Variants in RTF2 observed in about 807,000 individuals in gnomAD.
RTF2 encodes replication termination factor 2.
A neutral mutation model predicts 38.0 loss-of-function variants in RTF2; 18 were observed. The observed-to-expected ratio is 0.47, with a 90% CI of 0.33 to 0.70. The LOEUF (loss-of-function observed/expected upper bound fraction) is 0.70. Ranked by LOEUF, RTF2 falls within the 30% of genes least tolerant of loss-of-function variation. RTF2 has a pLI of 0.02. For synonymous variants in RTF2, 126 were observed against 137.1 expected, an observed-to-expected ratio of 0.92 and a Z score of 0.57; for missense variants, 311 against 379.6, an observed-to-expected ratio of 0.82 and a Z score of 1.50.
At chr20:56,470,699 A>G (rs1017749298) in intron 1 of RTF2, 1 of 455,704 alleles carries the variant, frequency 2.2e-6, no homozygotes, top group African/African-American at 2.0e-5. Context: ...CCCATCCTTC[A>G]GGGAGGAGAA....
In RTF2 at chr20:56,513,450, CGCCCA is replaced by C. The variant is rs142587609; in HGVS notation, c.591+27_591+31del. ...AAAGGTAATGGGAGTCTTCAGGTTC[CGCCCA>C]GCCCCCATCTCTGCTCCAGAGCCGA... On this transcript the variant is annotated intron_variant, in intron 6 of 8. Coordinates refer to ENST00000357348, the MANE Select transcript of RTF2 (RefSeq NM_016407.5). The C allele has an allele frequency of 1.6e-3, 2,466 of 1,561,660 alleles. 30 individuals carry two copies. The African/African-American group carries it at 0.03, about 19-fold the overall frequency.
chr20:56,480,107 G>A (rs1485570492), intron 4 of RTF2, among the ~76,000 whole-genome samples: 5 of 152,178 alleles, frequency 3.3e-5, no homozygotes, highest in African/African-American at 1.2e-4. Flanking sequence ...GTCCTGGATA[G>A]CATCTTCTTT....
chr20:56,495,137 G>A, intron 5 of RTF2: 1 of 1,113,490 alleles, frequency 9.0e-7, no homozygotes, highest in Non-Finnish European at 1.3e-6. Flanking sequence ...TAGGATTGAG[G>A]CAGCAGTTTT....
chr20:56,474,902 G>A, intron 3 of RTF2, 131 bp downstream of exon 3: 1 of 547,148 alleles, frequency 1.8e-6, no homozygotes, highest in Non-Finnish European at 3.2e-6. Context: ...TCTAATACAG[G>A]TATGATCTTG....
At position 56,472,427 on chromosome 20, in the gene RTF2, T is replaced by C. The variant is rs758456278; in HGVS notation, c.70-874T>C. 12 of 1,496,232 alleles carry C rather than the reference T, an allele frequency of 8.0e-6. No homozygotes were observed. The South Asian group carries it at 1.3e-4, about 17-fold the overall frequency. The allele number at this position is 1,496,232 out of a possible 1,614,324, so 92.7% of individuals were successfully genotyped here. Reference sequence around the variant, plus strand: ...ACATGGAATATGATGTATGTGAAAATGTCATTCGAGGGCCAGGGAGGGTCT... The same window carrying C: ...ACATGGAATATGATGTATGTGAAAACGTCATTCGAGGGCCAGGGAGGGTCT... On this transcript the variant is annotated intron_variant, in intron 1 of 8. Transcript: ENST00000357348.
intron 5 of RTF2, among the ~76,000 whole-genome samples, chr20:56,491,030 A>G (rs1983094041): frequency 6.6e-6 from 1 of 152,130 alleles, no homozygotes; most frequent in South Asian, 2.1e-4. Context: ...ACCCTTTTTA[A>G]CAAGCTGTGT....
At chr20:56,496,633 T>C (rs1427873518) in intron 5 of RTF2, 7 of 1,480,782 alleles carry the variant, frequency 4.7e-6, no homozygotes, top group African/African-American at 1.4e-5. Context: ...GGTGGGTCTT[T>C]CTTACCTTTT....
At chr20:56,517,030 C>T (rs1985086863) in intron 7 of RTF2, 41 bp downstream of exon 7, 2 of 1,607,066 alleles carry the variant, frequency 1.2e-6, no homozygotes, top group East Asian at 2.2e-5. Context: ...CAAAATGCGA[C>T]TCTAGGGCAG....
chr20:56,509,337 G>A (rs958463366), intron 5 of RTF2, among the ~76,000 whole-genome samples: 1 of 152,150 alleles, frequency 6.6e-6, no homozygotes, highest in African/African-American at 2.4e-5. Context: ...GGAAAAATGG[G>A]CTGGTTGCAG....
Position 56,477,029 on chromosome 20 carries a change from G to A in RTF2, c.303G>A (p.Gly101=). The change falls in exon 4 of 9, where the codon GGG becomes GGA. Residue 101 remains glycine (G), a synonymous_variant. Coordinates refer to ENST00000357348, the MANE Select transcript of RTF2 (RefSeq NM_016407.5). ...TTTCTGATAATCCTGCCTGGGAAGGGGATAAAGGAAACACTAAAGGTGACA... is the reference window on the plus strand; with the variant it reads ...TTTCTGATAATCCTGCCTGGGAAGGAGATAAAGGAAACACTAAAGGTGACA... ...LKLSDNPAWE[G]DKGNTKGDKH... is the part of the protein sequence containing the mutation. The A allele has an allele frequency of 1.2e-6, 2 of 1,614,100 alleles. No individual in the cohort carries two copies. The highest frequency in any genetic ancestry group is 2.2e-5 in the East Asian group (1 of 44,880).
intron 5 of RTF2, among the ~76,000 whole-genome samples, chr20:56,505,302 A>G (rs1207537252): frequency 1.3e-5 from 2 of 152,098 alleles, no homozygotes; most frequent in African/African-American, 2.4e-5. Flanking sequence ...GCCTGGAAAC[A>G]TAGCAAGACC....
intron 3 of RTF2, 86 bp downstream of exon 3, chr20:56,474,857 A>G: frequency 1.2e-6 from 1 of 801,846 alleles, no homozygotes; most frequent in East Asian, 2.6e-5. Context: ...TAAAGACTGA[A>G]CTCAGAAATT....
chr20:56,491,773 G>T (rs764438026), intron 5 of RTF2: 1 of 1,550,662 alleles, frequency 6.4e-7, no homozygotes, highest in Non-Finnish European at 8.7e-7. Flanking sequence ...AGATGTCTTC[G>T]ACGTAGCGGC....
At chr20:56,469,926 T>C (rs1403062685) in intron 1 of RTF2, among the ~76,000 whole-genome samples, 15 of 152,356 alleles carry the variant, frequency 9.8e-5, no homozygotes, top group African/African-American at 3.6e-4. Context: ...TTCAGTTTTT[T>C]ACTCAAATGT....
At chr20:56,475,084 A>G (rs1488520853) in intron 3 of RTF2, among the ~76,000 whole-genome samples, 1 of 152,276 alleles carries the variant, frequency 6.6e-6, no homozygotes, top group Non-Finnish European at 1.5e-5. Context: ...TGGATTTGGA[A>G]GATACTTTTG....
chr20:56,474,205 A>AC (rs1982119242), intron 2 of RTF2, among the ~76,000 whole-genome samples: 1 of 152,044 alleles, frequency 6.6e-6, no homozygotes, highest in Non-Finnish European at 1.5e-5. Context: ...TTCTGGCTGG[A>AC]CCCATTGGCT....
intron 8 of RTF2, 50 bp from the exon 9 acceptor site, chr20:56,518,037 A>C: frequency 6.5e-7 from 1 of 1,548,392 alleles, no homozygotes; most frequent in Non-Finnish European, 8.7e-7. Context: ...TGCGAAGTTT[A>C]GAATCATCTT....
intron 5 of RTF2, among the ~76,000 whole-genome samples, chr20:56,507,448 C>G (rs184009235): frequency 6.6e-6 from 1 of 152,280 alleles, no homozygotes; most frequent in East Asian, 1.9e-4. Context: ...GTTAATGGAT[C>G]TTTTGAATTT....
At position 56,518,408 on chromosome 20, in the gene RTF2, G is replaced by GTGGCC. The variant is rs1985189070; in HGVS notation, c.*144_*148dup. The GTGGCC allele has an allele frequency of 1.2e-6, 1 of 804,048 alleles. No individual in the cohort carries two copies. The highest frequency in any genetic ancestry group is 3.1e-5 in the Admixed American group (1 of 32,004). 49.8% of individuals were successfully genotyped at this position (804,048 alleles called of 1,614,324 possible). On this transcript the variant is annotated 3_prime_UTR_variant, in exon 9 of 9. Coordinates refer to ENST00000357348, the MANE Select transcript of RTF2 (RefSeq NM_016407.5). Reference sequence around the variant, plus strand: ...TGTCCTGGCCAGCCTTCAAGCTGGTGTGGCCACTCTTGATGTGAGGCGTGT... The same window carrying GTGGCC: ...TGTCCTGGCCAGCCTTCAAGCTGGTGTGGCCTGGCCACTCTTGATGTGAGGCGTGT...
Sources: gnomAD v4.1 joint callset for allele counts (sites outside exome capture counted in the v4.1 genomes callset) on GRCh38, gnomAD v4.1.1 for gene constraint, MANE v1.5 for transcripts, NCBI Gene and HGNC (gene_info 2026-07-23, HGNC 2026-07-21) for gene names.